KNTC1: variants seen among roughly 807,000 people sequenced by gnomAD.
KNTC1 encodes the protein kinetochore-associated protein 1.
Under a neutral mutation model 314.4 loss-of-function variants are expected in KNTC1, and 253 were observed. The ratio of observed to expected loss-of-function variants is 0.80; its 90% CI spans 0.73 to 0.89. The LOEUF is 0.89. Among genes scored for constraint, KNTC1 ranks in the 40% least tolerant of loss-of-function variants. The pLI, the probability that KNTC1 is intolerant of heterozygous loss-of-function variation, is 0.00. For synonymous variants in KNTC1, 901 were observed against 901.4 expected, an observed-to-expected ratio of 1.00 and a Z score of 0.01; for missense variants, 2,475 against 2,572.9, an observed-to-expected ratio of 0.96 and a Z score of 0.82.
chr12:122,603,312 G>T, intron 48 of KNTC1, 69 bp downstream of exon 48: 1 of 1,054,622 alleles, frequency 9.5e-7, no homozygotes, highest in Non-Finnish European at 1.4e-6. Flanking sequence ...TCTTTAAGGA[G>T]AAGCAGGATG....
intron 53 of KNTC1, among the ~76,000 whole-genome samples, chr12:122,612,151 C>A (rs1475718383): frequency 4.6e-5 from 7 of 151,740 alleles, no homozygotes; most frequent in Non-Finnish European, 8.8e-5. Context: ...CTGCAACCTC[C>A]GCCTCCCGGG....
chr12:122,578,969 G>A (rs1965209772), intron 31 of KNTC1, among the ~76,000 whole-genome samples: 1 of 145,984 alleles, frequency 6.9e-6, no homozygotes, highest in South Asian at 2.2e-4. Flanking sequence ...TTTTTCCAAG[G>A]TTGTTAGAAA....
chr12:122,529,584 T>C (rs1299921120), intron 1 of KNTC1, among the ~76,000 whole-genome samples: 1 of 152,250 alleles, frequency 6.6e-6, no homozygotes, highest in Non-Finnish European at 1.5e-5. Context: ...ATCTGGAATC[T>C]TATCATCCTA....
chr12:122,561,185 C>T (rs538870047), intron 18 of KNTC1, among the ~76,000 whole-genome samples: 2 of 151,880 alleles, frequency 1.3e-5, no homozygotes, highest in Non-Finnish European at 2.9e-5. Flanking sequence ...CCTGGTGGCG[C>T]ATGCTTGTAA....
At chr12:122,607,167 G>A (rs1285374265) in intron 51 of KNTC1, among the ~76,000 whole-genome samples, 3 of 152,058 alleles carry the variant, frequency 2.0e-5, no homozygotes, top group African/African-American at 7.2e-5. Flanking sequence ...GGGTTCAAGC[G>A]AGTCTCATGT....
chr12:122,597,336 C>T (rs1190640946), intron 43 of KNTC1: 3 of 207,060 alleles, frequency 1.4e-5, no homozygotes, highest in Admixed American at 5.5e-5. Flanking sequence ...GCAACCTCCA[C>T]CTCCCGGGTT....
intron 6 of KNTC1, among the ~76,000 whole-genome samples, chr12:122,542,570 A>G (rs1474155189): frequency 6.6e-6 from 1 of 152,166 alleles, no homozygotes; most frequent in Non-Finnish European, 1.5e-5. Flanking sequence ...GTGCAAGACC[A>G]GCCTGACCAA....
chr12:122,537,925 G>A (rs2137682225), intron 3 of KNTC1, among the ~76,000 whole-genome samples: 1 of 152,096 alleles, frequency 6.6e-6, no homozygotes, highest in South Asian at 2.1e-4. Flanking sequence ...TTGAGCTCAG[G>A]AGTTCGAGAC....
chr12:122,552,200 C>CA lies in KNTC1; in HGVS notation c.1272+505dup, dbSNP rs546145823. Among the ~76,000 whole-genome samples the CA allele has an allele frequency of 8.5e-5, 13 of 152,130 alleles. No individual in the cohort carries two copies. The East Asian group carries it at 2.5e-3, about 30-fold the overall frequency. ...CTGGGATTACAGGTGTGAGCCACTG[C>CA]ACCTGGCCTCAGGTCAGGTCTTGAA... On this transcript the variant is annotated intron_variant, in intron 16 of 63. Coordinates refer to ENST00000333479, the MANE Select transcript of KNTC1 (RefSeq NM_014708.6).
chr12:122,537,378 A>C (rs1961925608), intron 3 of KNTC1, among the ~76,000 whole-genome samples: 1 of 150,642 alleles, frequency 6.6e-6, no homozygotes, highest in South Asian at 2.1e-4. Context: ...TCACCTTCTT[A>C]CATGTCTCAC....
chr12:122,537,746 T>C (rs1419870959), intron 3 of KNTC1, among the ~76,000 whole-genome samples: 1 of 152,118 alleles, frequency 6.6e-6, no homozygotes, highest in East Asian at 1.9e-4. Context: ...TCTTAGAATA[T>C]GAGCTCTGTG....
At chr12:122,608,259 C>T (rs769573813) in intron 51 of KNTC1, among the ~76,000 whole-genome samples, 10 of 151,992 alleles carry the variant, frequency 6.6e-5, no homozygotes, top group Middle Eastern at 3.2e-3. Flanking sequence ...GCAGGTGTCC[C>T]AGCTACTTTT....
intron 44 of KNTC1, among the ~76,000 whole-genome samples, chr12:122,599,220 C>A (rs558501930): frequency 6.6e-6 from 1 of 152,012 alleles, no homozygotes; most frequent in East Asian, 1.9e-4. Context: ...TCCTGTTCAG[C>A]CTCCTGAGTA....
At chr12:122,624,493 C>T in intron 62 of KNTC1, 105 bp from the exon 63 acceptor site, 1 of 687,246 alleles carries the variant, frequency 1.5e-6, no homozygotes, top group Non-Finnish European at 2.4e-6. Flanking sequence ...GTCTCAAACT[C>T]CTGGACCCAA....
chr12:122,554,488 A>G (rs1260546812), intron 16 of KNTC1, among the ~76,000 whole-genome samples: 2 of 152,216 alleles, frequency 1.3e-5, no homozygotes, highest in Non-Finnish European at 2.9e-5. Context: ...GTTGGGAGGA[A>G]GAGGATGATG....
chr12:122,551,251 T>C, intron 13 of KNTC1, 68 bp from the exon 14 acceptor site: 5 of 1,014,356 alleles, frequency 4.9e-6, no homozygotes, highest in Non-Finnish European at 7.5e-6. Context: ...AACCAGTAGT[T>C]ACTCTAGTAA....
intron 29 of KNTC1, among the ~76,000 whole-genome samples, chr12:122,576,335 T>G (rs1422013299): frequency 6.6e-6 from 1 of 152,058 alleles, no homozygotes; most frequent in Non-Finnish European, 1.5e-5. Flanking sequence ...TCCCATAGTG[T>G]TGGGATTACA....
chr12:122,590,342 T>G (rs550669835), intron 40 of KNTC1, among the ~76,000 whole-genome samples: 1 of 152,276 alleles, frequency 6.6e-6, no homozygotes, highest in South Asian at 2.1e-4. Flanking sequence ...CTTCAGATAG[T>G]CATAAAGGAC....
At position 122,546,223 on chromosome 12, in the gene KNTC1, G is replaced by C; in HGVS notation, c.717G>C (p.Lys239Asn). The C allele has an allele frequency of 6.2e-7, 1 of 1,609,572 alleles. No homozygotes were observed. Among genetic ancestry groups the C allele is most frequent in the Non-Finnish European group, 8.5e-7 (1 of 1,176,132 alleles). ...CAAAATGGGAACCAGATTCTTCCAAGAAAGGAATGACAGTTAAGAACCTTA... is the reference window on the plus strand; with the variant it reads ...CAAAATGGGAACCAGATTCTTCCAACAAAGGAATGACAGTTAAGAACCTTA... ...AFSKWEPDSSKKGMTVKNLID... is the reference protein window; with the variant it reads ...AFSKWEPDSSNKGMTVKNLID... Residue 239 changes from lysine (K) to asparagine (N), a missense_variant, in exon 9 of 64, where the codon AAG (lysine) becomes AAC (asparagine). By Grantham distance (94) the Lys-to-Asn change is moderately conservative (BLOSUM62 0). Transcript: ENST00000333479.
Sources: gnomAD v4.1 joint callset for allele counts (sites outside exome capture counted in the v4.1 genomes callset) on GRCh38, gnomAD v4.1.1 for gene constraint, MANE v1.5 for transcripts, NCBI Gene and HGNC (gene_info 2026-07-23, HGNC 2026-07-21) for gene names.